TBC1D10A: variants seen among roughly 807,000 people sequenced by gnomAD.
TBC1D10A encodes TBC1 domain family member 10A.
Under a neutral mutation model 52.9 loss-of-function variants are expected in TBC1D10A, and 24 were observed. That is an observed-to-expected ratio of 0.45 (90% CI 0.33 to 0.64). The LOEUF is 0.64. TBC1D10A is among the 30% of genes least tolerant of loss of function. The probability of loss-of-function intolerance (pLI) is 0.02; values close to 1 mark genes in which losing one functional copy is unlikely to be tolerated. For synonymous variants in TBC1D10A, 278 were observed against 282.9 expected (o/e 0.98, Z 0.17); for missense variants, 602 against 687.9 (o/e 0.88, Z 1.40).
chr22:30,295,972 A>G (rs1405919308), intron 3 of TBC1D10A, 129 bp from the exon 4 acceptor site: 3 of 767,478 alleles, frequency 3.9e-6, no homozygotes, highest in Non-Finnish European at 6.2e-6. Context: ...CCCATCACAG[A>G]CTGGGCCTTC....
intron 1 of TBC1D10A, chr22:30,318,652 T>C (rs1159894343): frequency 2.1e-6 from 1 of 471,168 alleles, no homozygotes; most frequent in African/African-American, 2.0e-5. Flanking sequence ...GTCCAGAGCC[T>C]TCCTACCTCT....
Position 30,326,930 on chromosome 22 carries a change from G to C in TBC1D10A, c.-49C>G. 7.3e-7 allele frequency: 1 copy of C among 1,373,754 alleles called. No homozygotes were observed. 85.1% of individuals were successfully genotyped at this position (1,373,754 alleles called of 1,614,324 possible). A position where few individuals can be genotyped will look rare whatever the true frequency, so the allele number is the denominator to read the frequency against. ...CTCCAGCGGCCACCTCAGCCGCCCT[G>C]CTGCCGCCGACGCCCCGCCCACGCG... On this transcript the variant is annotated 5_prime_UTR_variant, in exon 1 of 9. Transcript: ENST00000215790.
chr22:30,308,316 A>ATGCC (rs1464829862), intron 1 of TBC1D10A, among the ~76,000 whole-genome samples: 2 of 130,292 alleles, frequency 1.5e-5, no homozygotes, highest in Admixed American at 7.5e-5. Context: ...GCCTGCCTGC[A>ATGCC]TGCCTGCATG....
At chr22:30,316,070 A>G (rs756438615) in intron 1 of TBC1D10A, among the ~76,000 whole-genome samples, 3 of 152,238 alleles carry the variant, frequency 2.0e-5, no homozygotes, top group African/African-American at 2.4e-5. Flanking sequence ...CATTGCTCCT[A>G]TAAGGGTTAC....
In TBC1D10A at chr22:30,302,764, A is replaced by T. The variant is rs866225827; in HGVS notation, c.309+1767T>A. ...CACAGTGCCAGGAAAGAAAAGGGGAAGTGTCAGCTGCTACTCTGCTGAGAG... is the reference window on the plus strand; with the variant it reads ...CACAGTGCCAGGAAAGAAAAGGGGATGTGTCAGCTGCTACTCTGCTGAGAG... On this transcript the variant is annotated intron_variant, in intron 2 of 8. Transcript: ENST00000215790. Among the ~76,000 whole-genome samples, 5 of 152,336 alleles carry T rather than the reference A, an allele frequency of 3.3e-5. No individual in the cohort carries two copies. In the South Asian group the frequency reaches 6.2e-4, roughly 19 times the overall value.
intron 2 of TBC1D10A, among the ~76,000 whole-genome samples, chr22:30,303,338 C>CAGACAGACAGAT (rs1209390710): frequency 3.3e-5 from 5 of 149,632 alleles, no homozygotes; most frequent in Non-Finnish European, 7.5e-5. Context: ...GACAGACAGA[C>CAGACAGACAGAT]AGATAGATAG....
chr22:30,310,991 G>A lies in TBC1D10A; in HGVS notation c.210-6361C>T, dbSNP rs565253101. ...CAGTTGGAGGAAGTCCCACCAAAGT[G>A]TGGAAAATTGGGAAGTGGATGTGCA... On this transcript the variant is annotated intron_variant, in intron 1 of 8. Coordinates refer to ENST00000215790, the MANE Select transcript of TBC1D10A (RefSeq NM_031937.3). Among the ~76,000 whole-genome samples, 5 of 152,330 alleles carry A rather than the reference G, an allele frequency of 3.3e-5. No homozygotes were observed. In the East Asian group the frequency reaches 9.7e-4, roughly 29 times the overall value.
chr22:30,294,247 T>C (rs1360695840), intron 6 of TBC1D10A, 137 bp from the exon 7 acceptor site: 1 of 958,466 alleles, frequency 1.0e-6, no homozygotes, highest in Non-Finnish European at 1.5e-6. Context: ...CTCTGCCAGG[T>C]GCTAGGATAC....
intron 8 of TBC1D10A, 52 bp downstream of exon 8, chr22:30,293,599 C>T (rs1930000127): frequency 1.3e-6 from 2 of 1,572,418 alleles, no homozygotes; most frequent in Non-Finnish European, 8.7e-7. Flanking sequence ...CTTCAAAGGA[C>T]CCCCACCTGT....
chr22:30,313,341 A>ATGTGTG (rs6147586), intron 1 of TBC1D10A, among the ~76,000 whole-genome samples: 6,386 of 137,916 alleles, frequency 0.046, 185 homozygotes, highest in Admixed American at 0.058. Context: ...TGCTCAATAA[A>ATGTGTG]TGTGTGTGTG....
intron 3 of TBC1D10A, 48 bp from the exon 4 acceptor site, chr22:30,295,891 T>G (rs772315724): frequency 5.8e-6 from 9 of 1,548,968 alleles, no homozygotes; most frequent in Non-Finnish European, 7.0e-6. Flanking sequence ...GGAGGTGGGC[T>G]TTGCTGACAG....
At position 30,326,662 on chromosome 22, in the gene TBC1D10A, G is replaced by A; in HGVS notation, c.209+11C>T. On this transcript the variant is annotated intron_variant, in intron 1 of 8. Coordinates refer to ENST00000215790, the MANE Select transcript of TBC1D10A (RefSeq NM_031937.3). The stretch of plus-strand genomic sequence containing the variant: ...GTGGCGCGCTCAGTCCCGACCCCCG[G>A]CGCTACTCACGCGCCCTCGGCGCCC... 2 of 1,555,006 alleles carry A rather than the reference G, an allele frequency of 1.3e-6. No homozygotes were observed. Among genetic ancestry groups the A allele is most frequent in the Non-Finnish European group, 1.7e-6 (2 of 1,151,720 alleles).
chr22:30,303,174 G>C (rs1930239149), intron 2 of TBC1D10A, among the ~76,000 whole-genome samples: 1 of 152,204 alleles, frequency 6.6e-6, no homozygotes, highest in Non-Finnish European at 1.5e-5. Flanking sequence ...AGCTACTTGG[G>C]AGGCTGAGGT....
In TBC1D10A at chr22:30,292,430, T is replaced by C. The variant is rs1929963738; in HGVS notation, c.1472A>G (p.His491Arg). The C allele has an allele frequency of 1.9e-6, 3 of 1,596,294 alleles. No individual in the cohort carries two copies. In the African/African-American group the frequency reaches 4.0e-5, roughly 21 times the overall value. Reference sequence around the variant, plus strand: ...CGTCAAGCTCTCCTGGGAGCGGTGGTGGGCTGAGACCTGGGGAGCCAAATC... The same window carrying C: ...CGTCAAGCTCTCCTGGGAGCGGTGGCGGGCTGAGACCTGGGGAGCCAAATC... ...PQDLAPQVSA[H>R]HRSQESLTSQ... is the part of the protein sequence containing the mutation. Residue 491 changes from histidine to arginine, a missense_variant, in exon 9 of 9, where the codon CAC becomes CGC. This residue lies in a region of TBC1D10A where 265 missense variants were observed against 275.1 expected (regional missense o/e 0.96). Coordinates refer to ENST00000215790, the MANE Select transcript of TBC1D10A (RefSeq NM_031937.3).
intron 1 of TBC1D10A, among the ~76,000 whole-genome samples, chr22:30,311,855 T>C (rs1465158838): frequency 6.6e-5 from 10 of 152,112 alleles, no homozygotes; most frequent in Admixed American, 2.0e-4. Context: ...TGCAGTGGCA[T>C]GATCTCGGCT....
Position 30,293,787 on chromosome 22 carries a change from C to T in TBC1D10A, c.914G>A (p.Arg305Gln), listed in dbSNP as rs746151336. 21 of 1,611,698 alleles carry T rather than the reference C, an allele frequency of 1.3e-5. No individual in the cohort carries two copies. Among genetic ancestry groups the T allele is most frequent in the East Asian group, 2.2e-5 (1 of 44,814 alleles). Residue 305 changes from arginine (R) to glutamine (Q), a missense_variant, in exon 8 of 9, where the codon CGG becomes CAG. Physicochemically the swap from Arg to Gln is conservative, Grantham distance 43 (BLOSUM62 1). This residue lies in a region of TBC1D10A where 265 missense variants were observed against 275.1 expected (regional missense o/e 0.96). Transcript: ENST00000215790. ...FFCEGVKIIFRVGLVLLKHAL... is the reference protein window; with the variant it reads ...FFCEGVKIIFQVGLVLLKHAL... The stretch of plus-strand genomic sequence containing the variant: ...GTGCTTCAGCAGCACCAGCCCCACC[C>T]GGAAGATGATCTTGACCCCTGCATG...
rs373381826 is a variant in TBC1D10A, at chr22:30,295,006, C to T, written c.574G>A (p.Glu192Lys). The T allele has an allele frequency of 2.7e-5, 44 of 1,613,926 alleles. No individual in the cohort carries two copies. The highest frequency in any genetic ancestry group is 2.6e-5 in the Non-Finnish European group (31 of 1,180,030). ...VLKAYTLYRP[E>K]EGYCQAQAPI... ...GCCTGGGCCTGGCAGTAGCCCTCCT[C>T]GGGCCGGTACAGCGTGTAGGCCTTC... is the stretch of plus-strand genomic sequence containing the variant. Residue 192 changes from glutamate to lysine, a missense_variant, in exon 5 of 9, where the codon GAG becomes AAG. Glu to Lys is a moderately conservative substitution (Grantham distance 56). Coordinates refer to ENST00000215790, the MANE Select transcript of TBC1D10A (RefSeq NM_031937.3).
chr22:30,326,553 G>A, intron 1 of TBC1D10A, 120 bp downstream of exon 1: 1 of 958,772 alleles, frequency 1.0e-6, no homozygotes, highest in South Asian at 1.8e-5. Flanking sequence ...GGGAGGGAAC[G>A]GGGATTAGTG....
At chr22:30,322,412 A>T (rs918496850) in intron 1 of TBC1D10A, among the ~76,000 whole-genome samples, 1 of 151,828 alleles carries the variant, frequency 6.6e-6, no homozygotes, top group Non-Finnish European at 1.5e-5. Context: ...TGTGGCTACT[A>T]CTCAAAAACA....
Sources: allele counts gnomAD v4.1 joint callset (sites outside exome capture counted in the v4.1 genomes callset), GRCh38; gene constraint gnomAD v4.1.1; regional missense constraint gnomAD v4.1.1; transcripts MANE v1.5; gene names NCBI Gene and HGNC (gene_info 2026-07-23, HGNC 2026-07-21).